Variants in HNF4G observed in about 807,000 individuals in gnomAD.
HNF4G encodes the protein hepatocyte nuclear factor 4 gamma.
HNF4G carries 21 observed loss-of-function variants against 50.9 expected under a neutral mutation model. The ratio of observed to expected loss-of-function variants is 0.41; its 90% confidence interval spans 0.29 to 0.59. The LOEUF is 0.59. Ranked by LOEUF, HNF4G falls within the 20% of genes least tolerant of loss-of-function variation. The probability of loss-of-function intolerance (pLI) is 0.26; values close to 1 mark genes in which losing one functional copy is unlikely to be tolerated. For synonymous variants in HNF4G, 198 were observed against 185.6 expected, an observed-to-expected ratio of 1.07 and a Z score of -0.54; for missense variants, 527 against 559.4, an observed-to-expected ratio of 0.94 and a Z score of 0.58.
intron 3 of HNF4G, among the ~76,000 whole-genome samples, chr8:75,549,161 G>T (rs968493104): frequency 6.6e-6 from 1 of 152,078 alleles, no homozygotes; most frequent in Non-Finnish European, 1.5e-5. Context: ...GTTCATAAAA[G>T]AATGTGTTAT....
intron 1 of HNF4G, among the ~76,000 whole-genome samples, chr8:75,434,390 C>T (rs1811089354): frequency 6.6e-6 from 1 of 151,902 alleles, no homozygotes; most frequent in South Asian, 2.1e-4. Flanking sequence ...CATATCAAAC[C>T]ATCTGGAATA....
intron 1 of HNF4G, among the ~76,000 whole-genome samples, chr8:75,461,443 C>T (rs1033053684): frequency 9.9e-5 from 15 of 152,120 alleles, no homozygotes; most frequent in Non-Finnish European, 1.5e-5. Context: ...CTTTAAGGAC[C>T]CTTGCGATTA....
At chr8:75,439,875 T>C (rs1242180746) in intron 1 of HNF4G, among the ~76,000 whole-genome samples, 3 of 152,120 alleles carry the variant, frequency 2.0e-5, no homozygotes, top group Admixed American at 6.6e-5. Context: ...TAAGACTTTT[T>C]TTTATAGCAA....
At chr8:75,459,200 A>G (rs535021524) in intron 1 of HNF4G, among the ~76,000 whole-genome samples, 1 of 152,326 alleles carries the variant, frequency 6.6e-6, no homozygotes, top group South Asian at 2.1e-4. Flanking sequence ...TAACACTTAT[A>G]TAAAATTTAA....
At chr8:75,481,829 CA>C (rs202210681) in intron 1 of HNF4G, among the ~76,000 whole-genome samples, 2 of 150,546 alleles carry the variant, frequency 1.3e-5, no homozygotes, top group South Asian at 2.1e-4. Context: ...AATGCCCAAA[CA>C]AAAAAAAATG....
At position 75,424,040 on chromosome 8, in the gene HNF4G, C is replaced by T. The variant is rs573849245; in HGVS notation, c.-144+15878C>T. 1.1e-4 allele frequency among the ~76,000 whole-genome samples: 17 copies of T among 151,738 alleles called. No homozygotes were observed. In the South Asian group the frequency reaches 2.9e-3, roughly 26 times the overall value. ...GTTTCACCACGTTGGCCAGGATGGTCTTGATCTCTTGACCTCGTGATCCGC... is the reference window on the plus strand; with the variant it reads ...GTTTCACCACGTTGGCCAGGATGGTTTTGATCTCTTGACCTCGTGATCCGC... On this transcript the variant is annotated intron_variant, in intron 1 of 10. Coordinates refer to the HNF4G transcript ENST00000354370.
At chr8:75,533,260 A>C (rs1423075313) in intron 2 of HNF4G, among the ~76,000 whole-genome samples, 1 of 152,050 alleles carries the variant, frequency 6.6e-6, no homozygotes, top group Admixed American at 6.5e-5. Flanking sequence ...GCCTTCATAG[A>C]ACTTGCTTCT....
chr8:75,515,090 C>T (rs903294640), intron 2 of HNF4G, among the ~76,000 whole-genome samples: 19 of 152,112 alleles, frequency 1.2e-4, no homozygotes, highest in African/African-American at 4.6e-4. Flanking sequence ...TCAACAATGT[C>T]TATGTATTGC....
intron 1 of HNF4G, among the ~76,000 whole-genome samples, chr8:75,449,569 C>T (rs1349893420): frequency 8.7e-5 from 12 of 137,976 alleles, no homozygotes; most frequent in South Asian, 2.2e-4. Flanking sequence ...TGCAGTGGGG[C>T]GATCTCGGCT....
intron 1 of HNF4G, among the ~76,000 whole-genome samples, chr8:75,454,208 A>G (rs1811662922): frequency 6.6e-6 from 1 of 151,904 alleles, no homozygotes; most frequent in Non-Finnish European, 1.5e-5. Flanking sequence ...GAAGGCCCTC[A>G]CCAGAACTCA....
intron 1 of HNF4G, among the ~76,000 whole-genome samples, chr8:75,457,910 A>C (rs931893950): frequency 6.6e-6 from 1 of 152,032 alleles, no homozygotes; most frequent in East Asian, 1.9e-4. Flanking sequence ...GGTCCTTTGC[A>C]GTAGAGAACA....
intron 1 of HNF4G, among the ~76,000 whole-genome samples, chr8:75,457,829 G>C (rs1811757463): frequency 6.6e-6 from 1 of 152,028 alleles, no homozygotes; most frequent in Non-Finnish European, 1.5e-5. Context: ...ATGCAGGAAT[G>C]TATGTTAATT....
chr8:75,481,986 C>G (rs1282520597), intron 1 of HNF4G, among the ~76,000 whole-genome samples: 2 of 152,038 alleles, frequency 1.3e-5, no homozygotes, highest in African/African-American at 4.8e-5. Context: ...TGTTCGATAG[C>G]CTTTGTGTAT....
intron 1 of HNF4G, among the ~76,000 whole-genome samples, chr8:75,432,246 TA>T (rs940127370): frequency 6.7e-6 from 1 of 149,944 alleles, no homozygotes; most frequent in Non-Finnish European, 1.5e-5. Context: ...GGCCCTGTAT[TA>T]AAAAAAATAA....
Position 75,555,456 on chromosome 8 carries a change from C to T in HNF4G, c.646-526C>T, listed in dbSNP as rs566416851. On this transcript the variant is annotated intron_variant, in intron 5 of 9. Coordinates refer to ENST00000396423, the MANE Select transcript of HNF4G (RefSeq NM_004133.5). The stretch of plus-strand genomic sequence containing the variant: ...CTAGAAAGCGGCAGAACCCAGACCT[C>T]CCATCTTTTCCTTACAAGAAGTCTT... 3.5e-4 allele frequency among the ~76,000 whole-genome samples: 54 copies of T among 152,248 alleles called. 1 individual carries two copies. The South Asian group carries it at 9.1e-3, about 26-fold the overall frequency.
chr8:75,449,750 GC>G (rs375764237), intron 1 of HNF4G, among the ~76,000 whole-genome samples: 3 of 151,716 alleles, frequency 2.0e-5, no homozygotes, highest in East Asian at 1.9e-4. Context: ...CTCGTGATCC[GC>G]CCCCCTTGGC....
chr8:75,490,517 T>C (rs142563104), intron 2 of HNF4G, among the ~76,000 whole-genome samples: 66 of 152,312 alleles, frequency 4.3e-4, no homozygotes, highest in Non-Finnish European at 7.2e-4. Flanking sequence ...GGCACTTAAT[T>C]AGCATATTCT....
rs1328511193 is a variant in HNF4G, at chr8:75,448,155, T to C, written c.-144+39993T>C. On this transcript the variant is annotated intron_variant, in intron 1 of 10. Coordinates refer to the HNF4G transcript ENST00000354370. ...GTAGGGACATGGATGAAATTGGAAA[T>C]CATCATTCTCAGTAAACTATCGCAA... Among the ~76,000 whole-genome samples the C allele has an allele frequency of 1.0e-4, 13 of 128,970 alleles. No individual in the cohort carries two copies. In the East Asian group the frequency reaches 2.6e-3, roughly 26 times the overall value. 84.6% of individuals were successfully genotyped at this position (128,970 alleles called of 152,430 possible).
At chr8:75,471,445 A>C (rs1381350043) in intron 1 of HNF4G, among the ~76,000 whole-genome samples, 6 of 152,152 alleles carry the variant, frequency 3.9e-5, no homozygotes, top group Non-Finnish European at 8.8e-5. Flanking sequence ...TTCAATATAC[A>C]TAGTTTGAAT....
Sources: allele counts gnomAD v4.1 joint callset (sites outside exome capture counted in the v4.1 genomes callset), GRCh38; gene constraint gnomAD v4.1.1; transcripts MANE v1.5; gene names NCBI Gene and HGNC (gene_info 2026-07-23, HGNC 2026-07-21).